The following TAFA2 variants were observed in gnomAD, a reference collection of about 807,000 sequenced individuals.
TAFA2 encodes chemokine-like protein TAFA-2.
TAFA2 carries 7 observed loss-of-function variants against 18.8 expected under a neutral mutation model. The ratio of observed to expected loss-of-function variants is 0.37; its 90% CI spans 0.21 to 0.70. The LOEUF is 0.70. TAFA2 is among the 30% of genes least tolerant of loss of function. The probability of loss-of-function intolerance (pLI) is 0.53; values close to 1 mark genes in which losing one functional copy is unlikely to be tolerated. For synonymous variants in TAFA2, 60 were observed against 54.2 expected, an observed-to-expected ratio of 1.11 and a Z score of -0.47; for missense variants, 122 against 158.1, an observed-to-expected ratio of 0.77 and a Z score of 1.23.
chr12:61,762,630 T>TA lies in TAFA2; in HGVS notation c.107-7607_107-7606insT, dbSNP rs1364178677. Among the ~76,000 whole-genome samples the TA allele has an allele frequency of 8.6e-5, 10 of 116,008 alleles. No homozygotes were observed. In the South Asian group the frequency reaches 1.2e-3, roughly 14 times the overall value. 76.1% of individuals were successfully genotyped at this position (116,008 alleles called of 152,430 possible). A position where few individuals can be genotyped will look rare whatever the true frequency, so the allele number is the denominator to read the frequency against. On this transcript the variant is annotated intron_variant, in intron 2 of 4. Transcript: ENST00000416284. ...CATTCTATAGAAGTTCTAATTTCAT[T>TA]TTTTATATATATATATATATACATA...
rs867942075 is a variant in TAFA2 at position 61,943,584 on chromosome 12, G to A, written c.-1-76158C>T. Among the ~76,000 whole-genome samples, 882 of 150,412 alleles carry A rather than the reference G, an allele frequency of 5.9e-3. 4 individuals carry two copies. The highest frequency in any genetic ancestry group is 0.021 in the African/African-American group (842 of 40,942). On this transcript the variant is annotated intron_variant, in intron 1 of 4. Transcript: ENST00000416284. ...ATCTCACGTGCAGAGACACACATAG[G>A]CTCAAAATAAAAGGATGGAGGAAGA... is the stretch of plus-strand genomic sequence containing the variant.
At chr12:62,053,620 A>C (rs1021772191) in intron 1 of TAFA2, among the ~76,000 whole-genome samples, 2 of 152,232 alleles carry the variant, frequency 1.3e-5, no homozygotes, top group Non-Finnish European at 2.9e-5. Flanking sequence ...ACTGCCAACA[A>C]AATGTGTTTT....
chr12:62,181,147 C>T (rs577989348), intron 1 of TAFA2, among the ~76,000 whole-genome samples: 3 of 151,828 alleles, frequency 2.0e-5, no homozygotes, highest in African/African-American at 7.2e-5. Context: ...TGGTGCCCCC[C>T]GCCCCCTGAG....
Position 61,753,619 on chromosome 12 carries a change from T to G in TAFA2, c.384+3A>C. 3 of 1,610,982 alleles carry G rather than the reference T, an allele frequency of 1.9e-6. No individual in the cohort carries two copies. The highest frequency in any genetic ancestry group is 2.5e-6 in the Non-Finnish European group (3 of 1,178,180). On this transcript the variant is annotated splice_donor_region_variant and intron_variant, in intron 4 of 4. Transcript: ENST00000416284. ...TGTTTTCCCAAGCTTGCTGTCCACT[T>G]ACCCTAGTTGTTTTGACTTTATTCC...
intron 2 of TAFA2, among the ~76,000 whole-genome samples, chr12:61,776,774 G>C (rs1468974123): frequency 1.3e-5 from 2 of 151,800 alleles, no homozygotes; most frequent in Non-Finnish European, 2.9e-5. Context: ...TTGTTTACAT[G>C]TGGATATGTT....
chr12:62,002,625 G>C (rs1880416206), intron 1 of TAFA2, among the ~76,000 whole-genome samples: 1 of 151,980 alleles, frequency 6.6e-6, no homozygotes, highest in Non-Finnish European at 1.5e-5. Context: ...TTTAGCTCCT[G>C]GTTTACTATG....
At chr12:61,830,167 A>G (rs1872664838) in intron 2 of TAFA2, among the ~76,000 whole-genome samples, 1 of 151,010 alleles carries the variant, frequency 6.6e-6, no homozygotes, top group Admixed American at 6.6e-5. Context: ...GATCCAATGA[A>G]TGATTGGATA....
At chr12:62,165,995 G>A (rs1013124625) in intron 1 of TAFA2, among the ~76,000 whole-genome samples, 2 of 145,428 alleles carry the variant, frequency 1.4e-5, no homozygotes, top group African/African-American at 5.1e-5. Context: ...TACAGAATTT[G>A]CAAAAATGAT....
intron 1 of TAFA2, among the ~76,000 whole-genome samples, chr12:61,993,477 A>C (rs1036152677): frequency 1.3e-5 from 2 of 152,184 alleles, no homozygotes; most frequent in Non-Finnish European, 2.9e-5. Context: ...GCGATTGAGA[A>C]TGTTCATAGC....
At chr12:62,147,880 C>A (rs888243445) in intron 1 of TAFA2, among the ~76,000 whole-genome samples, 7 of 151,314 alleles carry the variant, frequency 4.6e-5, no homozygotes, top group African/African-American at 1.2e-4. Context: ...AAAAAATAAC[C>A]GCAATAAGAA....
intron 1 of TAFA2, among the ~76,000 whole-genome samples, chr12:62,134,190 T>G (rs1273875893): frequency 1.3e-5 from 2 of 151,920 alleles, no homozygotes; most frequent in African/African-American, 4.8e-5. Flanking sequence ...CCTACAGCCT[T>G]TCCCAGATTG....
chr12:61,834,539 A>G (rs1272191956), intron 2 of TAFA2, among the ~76,000 whole-genome samples: 1 of 152,052 alleles, frequency 6.6e-6, no homozygotes, highest in Non-Finnish European at 1.5e-5. Context: ...CCTGCAGGTT[A>G]TAAGTCTCCA....
At chr12:61,794,255 G>T (rs1352351713) in intron 2 of TAFA2, among the ~76,000 whole-genome samples, 1 of 151,918 alleles carries the variant, frequency 6.6e-6, no homozygotes. Flanking sequence ...AGATTGGAAA[G>T]GAAGAAATAT....
intron 1 of TAFA2, among the ~76,000 whole-genome samples, chr12:62,066,010 C>T (rs562800590): frequency 1.3e-5 from 2 of 151,878 alleles, no homozygotes; most frequent in East Asian, 1.9e-4. Context: ...TGATTAGGAA[C>T]AGTAATTTTT....
intron 2 of TAFA2, among the ~76,000 whole-genome samples, chr12:61,766,212 A>G (rs1408445917): frequency 6.6e-6 from 1 of 152,108 alleles, no homozygotes; most frequent in East Asian, 1.9e-4. Flanking sequence ...TAATTCTGCA[A>G]TATAGAATCA....
chr12:61,850,325 G>A (rs1252799918), intron 2 of TAFA2, among the ~76,000 whole-genome samples: 4 of 151,442 alleles, frequency 2.6e-5, no homozygotes, highest in Non-Finnish European at 2.9e-5. Flanking sequence ...TTCCTTTAAG[G>A]GGATGATCAG....
chr12:62,164,593 G>T lies in TAFA2; in HGVS notation c.-2+26666C>A, dbSNP rs74098728. Among the ~76,000 whole-genome samples, 1,228 of 152,116 alleles carry T rather than the reference G, an allele frequency of 8.1e-3. 18 individuals are homozygous for T. The highest frequency in any genetic ancestry group is 0.029 in the African/African-American group (1,184 of 41,512). ...TGTACAACAAACCCTCGTGACATGA[G>T]TTTACCCATATGACAAACCTGTACG... is the stretch of plus-strand genomic sequence containing the variant. On this transcript the variant is annotated intron_variant, in intron 1 of 4. Transcript: ENST00000416284.
chr12:61,780,552 T>C (rs1448679468), intron 2 of TAFA2, among the ~76,000 whole-genome samples: 1 of 151,740 alleles, frequency 6.6e-6, no homozygotes, highest in Non-Finnish European at 1.5e-5. Flanking sequence ...TTACAAGCCA[T>C]GAATATCTTT....
chr12:62,134,026 AC>A (rs1870794990), intron 1 of TAFA2, among the ~76,000 whole-genome samples: 1 of 151,872 alleles, frequency 6.6e-6, no homozygotes, highest in South Asian at 2.1e-4. Context: ...AGAACCTCAA[AC>A]ACCTCACTCT....
Sources: allele counts gnomAD v4.1 joint callset (sites outside exome capture counted in the v4.1 genomes callset), GRCh38; gene constraint gnomAD v4.1.1; transcripts MANE v1.5; gene names NCBI Gene and HGNC (gene_info 2026-07-23, HGNC 2026-07-21).